THADA: variants seen among roughly 807,000 people sequenced by gnomAD.
THADA encodes the protein THADA armadillo repeat containing.
In THADA, 213 loss-of-function variants were observed where a neutral mutation model predicts 219.8. The observed-to-expected ratio is 0.97, with a 90% CI of 0.87 to 1.09. The LOEUF is 1.09. THADA is among the 50% of genes least tolerant of loss of function. The probability of loss-of-function intolerance (pLI) is 0.00; values close to 1 mark genes in which losing one functional copy is unlikely to be tolerated. For missense variants in THADA, 2,956 were observed against 2,311.3 expected (o/e 1.28, Z -5.72); for synonymous variants, 1,018 against 828.9 (o/e 1.23, Z -3.92).
chr2:43,529,937 T>A (rs1231973435), intron 21 of THADA, among the ~76,000 whole-genome samples: 1 of 152,138 alleles, frequency 6.6e-6, no homozygotes, highest in African/African-American at 2.4e-5. Context: ...TTAAAATAAG[T>A]AATAAACTGA....
intron 22 of THADA, among the ~76,000 whole-genome samples, chr2:43,513,247 T>C (rs1203718502): frequency 1.3e-5 from 2 of 152,188 alleles, no homozygotes; most frequent in Admixed American, 6.5e-5. Context: ...ATGATAGAGA[T>C]GAAACAGCTG....
At chr2:43,269,188 G>A (rs917721590) in intron 36 of THADA, among the ~76,000 whole-genome samples, 2 of 152,258 alleles carry the variant, frequency 1.3e-5, no homozygotes, top group African/African-American at 4.8e-5. Context: ...ACAACACCCT[G>A]CAGCCGCGTC....
chr2:43,527,323 G>C (rs1019974640), intron 22 of THADA, among the ~76,000 whole-genome samples: 2 of 152,104 alleles, frequency 1.3e-5, no homozygotes, highest in Non-Finnish European at 2.9e-5. Context: ...TCTATTATAT[G>C]AATGAATGAA....
intron 30 of THADA, among the ~76,000 whole-genome samples, chr2:43,326,287 G>C (rs752727867): frequency 1.3e-5 from 2 of 152,156 alleles, no homozygotes; most frequent in African/African-American, 2.4e-5. Flanking sequence ...TGTTTGTCTG[G>C]GTGAGTCAGG....
At chr2:43,521,955 C>T (rs1348749154) in intron 22 of THADA, among the ~76,000 whole-genome samples, 1 of 152,202 alleles carries the variant, frequency 6.6e-6, no homozygotes, top group Non-Finnish European at 1.5e-5. Context: ...ACTTATATTA[C>T]TATTGCTAAC....
intron 26 of THADA, among the ~76,000 whole-genome samples, chr2:43,451,257 G>A (rs1484168512): frequency 6.6e-6 from 1 of 152,114 alleles, no homozygotes; most frequent in Non-Finnish European, 1.5e-5. Flanking sequence ...GCCACCACGA[G>A]CTCCAGAGGC....
chr2:43,452,335 T>C lies in THADA; in HGVS notation c.3837-22033A>G, dbSNP rs115258873. ...CATATTTCAAGGAACATAATAAAAC[T>C]AGAAGTATTTTCAAATGACTGTACT... On this transcript the variant is annotated intron_variant, in intron 26 of 37. Transcript: ENST00000405975. Among the ~76,000 whole-genome samples the C allele has an allele frequency of 7.1e-3, 1,086 of 152,176 alleles. 13 individuals are homozygous for C. Among genetic ancestry groups the C allele is most frequent in the African/African-American group, 0.024 (1,015 of 41,518 alleles).
intron 17 of THADA, among the ~76,000 whole-genome samples, chr2:43,555,579 A>G (rs891947297): frequency 1.3e-5 from 2 of 152,100 alleles, no homozygotes; most frequent in Non-Finnish European, 2.9e-5. Flanking sequence ...AAATCCAGCT[A>G]TGAAGCAATT....
intron 26 of THADA, among the ~76,000 whole-genome samples, chr2:43,454,890 C>T (rs762472561): frequency 7.2e-5 from 11 of 152,172 alleles, no homozygotes; most frequent in Admixed American, 1.3e-4. Flanking sequence ...ACTTCTAAGT[C>T]CACTGTCATT....
intron 27 of THADA, among the ~76,000 whole-genome samples, chr2:43,428,675 T>C (rs1364419032): frequency 6.6e-6 from 1 of 152,142 alleles, no homozygotes; most frequent in Non-Finnish European, 1.5e-5. Flanking sequence ...TCTTTTTTTT[T>C]TCTACGTTCA....
At chr2:43,348,475 T>C (rs1379556884) in intron 29 of THADA, among the ~76,000 whole-genome samples, 1 of 152,210 alleles carries the variant, frequency 6.6e-6, no homozygotes, top group Admixed American at 6.5e-5. Context: ...AAACAAAGAA[T>C]GGGCAGAGAG....
intron 26 of THADA, among the ~76,000 whole-genome samples, chr2:43,459,022 C>T (rs1683331656): frequency 6.6e-6 from 1 of 152,086 alleles, no homozygotes; most frequent in Non-Finnish European, 1.5e-5. Flanking sequence ...TTCTAACAAA[C>T]AAAATTATTC....
rs546200419 is a variant in THADA, at chr2:43,242,826, A to T, written c.5297-9944T>A. The stretch of plus-strand genomic sequence containing the variant: ...TCTTGACCACTTTGCTAAGCTGCTC[A>T]TAAGTACTGAATACATGGATGGATG... On this transcript the variant is annotated intron_variant, in intron 36 of 37. Coordinates refer to ENST00000405975, the MANE Select transcript of THADA (RefSeq NM_022065.5). Among the ~76,000 whole-genome samples, 4 of 152,298 alleles carry T rather than the reference A, an allele frequency of 2.6e-5. No individual in the cohort carries two copies. In the East Asian group the frequency reaches 7.7e-4, roughly 29 times the overall value.
At chr2:43,498,645 C>A (rs540882883) in intron 25 of THADA, among the ~76,000 whole-genome samples, 188 bp downstream of exon 25, 7 of 151,704 alleles carry the variant, frequency 4.6e-5, no homozygotes, top group Non-Finnish European at 8.8e-5. Context: ...GGCTAACAAG[C>A]CAACAAATGA....
chr2:43,365,923 A>G (rs113339398), intron 29 of THADA, among the ~76,000 whole-genome samples: 13 of 152,320 alleles, frequency 8.5e-5, no homozygotes, highest in African/African-American at 3.1e-4. Flanking sequence ...GATAATCTCA[A>G]CTTCCTAGAA....
intron 21 of THADA, among the ~76,000 whole-genome samples, chr2:43,530,027 C>A (rs1693663595): frequency 1.3e-5 from 2 of 151,908 alleles, no homozygotes; most frequent in African/African-American, 2.4e-5. Flanking sequence ...TAGAGGAAAA[C>A]TAAAGACGTA....
chr2:43,301,409 T>C (rs921088482), intron 31 of THADA, among the ~76,000 whole-genome samples: 1 of 152,240 alleles, frequency 6.6e-6, no homozygotes, highest in Non-Finnish European at 1.5e-5. Context: ...ATGTAAACAC[T>C]GGCTCGTTGT....
chr2:43,438,804 G>A (rs76684055), intron 26 of THADA, among the ~76,000 whole-genome samples: 10,593 of 152,150 alleles, frequency 0.07, 439 homozygotes, highest in Non-Finnish European at 0.097. Flanking sequence ...CTGTACATAC[G>A]TAGCTGTGAT....
intron 29 of THADA, among the ~76,000 whole-genome samples, chr2:43,374,435 T>C (rs949956758): frequency 2.0e-5 from 3 of 152,302 alleles, no homozygotes; most frequent in African/African-American, 7.2e-5. Flanking sequence ...AGCAAATATA[T>C]GTAAGTGCAT....
Sources: gnomAD v4.1 joint callset for allele counts (sites outside exome capture counted in the v4.1 genomes callset) on GRCh38, gnomAD v4.1.1 for gene constraint, MANE v1.5 for transcripts, NCBI Gene and HGNC (gene_info 2026-07-23, HGNC 2026-07-21) for gene names.